Variants in RAB39A observed in about 807,000 individuals in gnomAD.
RAB39A encodes the protein ras-related protein Rab-39A.
A neutral mutation model predicts 20.9 loss-of-function variants in RAB39A; 17 were observed. That is an observed-to-expected ratio of 0.81 (90% CI 0.56 to 1.22). The LOEUF (loss-of-function observed/expected upper bound fraction) is 1.22, where lower values mean the gene tolerates loss of function less well. Among genes scored for constraint, RAB39A ranks in the 50% most tolerant of loss-of-function variants. The pLI is 0.00. For synonymous variants in RAB39A, 99 were observed against 103.4 expected (o/e 0.96, Z 0.26); for missense variants, 234 against 270.5 (o/e 0.87, Z 0.95).
Position 107,946,329 on chromosome 11 carries a change from C to T in RAB39A, c.228-15617C>T, listed in dbSNP as rs200633624. On this transcript the variant is annotated intron_variant, in intron 1 of 1. Coordinates refer to ENST00000320578, the MANE Select transcript of RAB39A (RefSeq NM_017516.3). ...GATACTATATATATATATATATACA[C>T]ACACACACACACACATATATATACA... 5.1e-3 allele frequency among the ~76,000 whole-genome samples: 411 copies of T among 80,876 alleles called. 5 individuals are homozygous for T. In the East Asian group the frequency reaches 0.054, roughly 11 times the overall value. 53.1% of individuals were successfully genotyped at this position (80,876 alleles called of 152,430 possible). A position where few individuals can be genotyped will look rare whatever the true frequency, so the allele number is the denominator to read the frequency against.
intron 1 of RAB39A, among the ~76,000 whole-genome samples, chr11:107,946,291 C>A (rs1861306744): frequency 7.3e-6 from 1 of 137,616 alleles, no homozygotes; most frequent in African/African-American, 2.8e-5. Flanking sequence ...ACATTGCAAC[C>A]ATAAAGGAAC....
chr11:107,942,127 A>G (rs1861266372), intron 1 of RAB39A, among the ~76,000 whole-genome samples: 2 of 151,120 alleles, frequency 1.3e-5, no homozygotes, highest in Non-Finnish European at 2.9e-5. Context: ...AAAAAGACTG[A>G]CATTTGATAG....
rs538531995 is a variant in RAB39A at position 107,935,536 on chromosome 11, G to A, written c.227+6741G>A. Among the ~76,000 whole-genome samples the A allele has an allele frequency of 1.6e-3, 238 of 151,844 alleles. 1 individual carries two copies. Among genetic ancestry groups the A allele is most frequent in the Middle Eastern group, 6.8e-3 (2 of 294 alleles). ...ACTACAGGCGCCTGCCACCATGCCC[G>A]GCTAATTTTTTGTATTTTCAGTAGG... On this transcript the variant is annotated intron_variant, in intron 1 of 1. Coordinates refer to ENST00000320578, the MANE Select transcript of RAB39A (RefSeq NM_017516.3).
intron 1 of RAB39A, among the ~76,000 whole-genome samples, chr11:107,934,976 T>C (rs1861179583): frequency 6.6e-6 from 1 of 150,482 alleles, no homozygotes; most frequent in African/African-American, 2.4e-5. Flanking sequence ...CTCCTCTCCC[T>C]TCCCCACAGA....
intron 1 of RAB39A, among the ~76,000 whole-genome samples, chr11:107,938,024 C>A (rs554014419): frequency 1.6e-4 from 24 of 152,126 alleles, no homozygotes; most frequent in Middle Eastern, 3.4e-3. Context: ...TGAGCAGTCA[C>A]CCCCAAAGTG....
intron 1 of RAB39A, among the ~76,000 whole-genome samples, chr11:107,934,929 C>CAAAAAAAAAAAAA: frequency 9.8e-6 from 1 of 101,640 alleles, no homozygotes; most frequent in Non-Finnish European, 1.9e-5. Context: ...GACTTCGTCT[C>CAAAAAAAAAAAAA]AAAAAAAAAA....
intron 1 of RAB39A, among the ~76,000 whole-genome samples, chr11:107,937,851 C>T (rs528131681): frequency 6.6e-6 from 1 of 152,122 alleles, no homozygotes; most frequent in Non-Finnish European, 1.5e-5. Context: ...ACTTAACTAT[C>T]CAGTGAATCA....
At chr11:107,932,842 C>T (rs2134947575) in intron 1 of RAB39A, among the ~76,000 whole-genome samples, 1 of 152,232 alleles carries the variant, frequency 6.6e-6, no homozygotes, top group Admixed American at 6.5e-5. Context: ...TCCCAAGTAG[C>T]TGGGACTACA....
At chr11:107,957,797 CTCTT>C (rs1359133399) in intron 1 of RAB39A, among the ~76,000 whole-genome samples, 2 of 152,152 alleles carry the variant, frequency 1.3e-5, no homozygotes, top group Non-Finnish European at 2.9e-5. Flanking sequence ...ATTTATTTCT[CTCTT>C]CCTTCCTTGC....
chr11:107,950,685 G>C (rs1715741911), intron 1 of RAB39A, among the ~76,000 whole-genome samples: 1 of 151,034 alleles, frequency 6.6e-6, no homozygotes, highest in Admixed American at 6.6e-5. Context: ...AGGATTAGTT[G>C]AGCCTGGGAG....
intron 1 of RAB39A, among the ~76,000 whole-genome samples, chr11:107,954,105 C>T (rs914847952): frequency 6.6e-6 from 1 of 152,140 alleles, no homozygotes; most frequent in African/African-American, 2.4e-5. Context: ...ACAATGAGGA[C>T]ATATCTGTGT....
chr11:107,930,039 A>C (rs1282070257), intron 1 of RAB39A, among the ~76,000 whole-genome samples: 1 of 152,208 alleles, frequency 6.6e-6, no homozygotes, highest in Non-Finnish European at 1.5e-5. Flanking sequence ...AGAATGGTCC[A>C]ACATTCAAAG....
intron 1 of RAB39A, among the ~76,000 whole-genome samples, chr11:107,951,927 A>T (rs977705851): frequency 6.6e-6 from 1 of 152,328 alleles, no homozygotes; most frequent in Admixed American, 6.5e-5. Flanking sequence ...GAACCTCAGT[A>T]ATCATGTCAT....
At chr11:107,948,956 C>G (rs1014969706) in intron 1 of RAB39A, among the ~76,000 whole-genome samples, 1 of 152,078 alleles carries the variant, frequency 6.6e-6, no homozygotes, top group African/African-American at 2.4e-5. Context: ...GGTTAATTAT[C>G]TTGCATATTA....
chr11:107,944,628 G>A (rs1481792171), intron 1 of RAB39A, among the ~76,000 whole-genome samples: 4 of 151,986 alleles, frequency 2.6e-5, no homozygotes, highest in Non-Finnish European at 5.9e-5. Context: ...CTTGTGATCT[G>A]CCCGCCTCAG....
At chr11:107,931,254 G>A (rs1357209946) in intron 1 of RAB39A, among the ~76,000 whole-genome samples, 1 of 151,958 alleles carries the variant, frequency 6.6e-6, no homozygotes, top group Non-Finnish European at 1.5e-5. Flanking sequence ...TGAGATTACA[G>A]GCGCGTGAGC....
intron 1 of RAB39A, among the ~76,000 whole-genome samples, chr11:107,950,804 A>T (rs1861371038): frequency 6.6e-6 from 1 of 151,672 alleles, no homozygotes; most frequent in Non-Finnish European, 1.5e-5. Flanking sequence ...GCTCTCATAG[A>T]GCTTATCTTC....
At chr11:107,942,894 C>T (rs1279205683) in intron 1 of RAB39A, among the ~76,000 whole-genome samples, 1 of 152,062 alleles carries the variant, frequency 6.6e-6, no homozygotes, top group African/African-American at 2.4e-5. Flanking sequence ...ACTTCCCATC[C>T]CTGTAGACCC....
chr11:107,932,786 C>G (rs111910778), intron 1 of RAB39A, among the ~76,000 whole-genome samples: 1,672 of 152,294 alleles, frequency 0.011, 25 homozygotes, highest in African/African-American at 0.037. Context: ...TCTTAGCTCA[C>G]TGCAACCTAT....
Sources: gnomAD v4.1 joint callset for allele counts (sites outside exome capture counted in the v4.1 genomes callset) on GRCh38, gnomAD v4.1.1 for gene constraint, MANE v1.5 for transcripts, NCBI Gene and HGNC (gene_info 2026-07-23, HGNC 2026-07-21) for gene names.